The following SRFBP1 variants were observed in gnomAD, a reference collection of about 807,000 sequenced individuals.
The protein encoded by SRFBP1 is serum response factor-binding protein 1.
In SRFBP1, 47 loss-of-function variants were observed where a neutral mutation model predicts 45.5. The ratio of observed to expected loss-of-function variants is 1.03; its 90% CI spans 0.82 to 1.32. The LOEUF (loss-of-function observed/expected upper bound fraction) is 1.32. Among genes scored for constraint, SRFBP1 ranks in the 40% most tolerant of loss-of-function variants. The probability of loss-of-function intolerance (pLI) is 0.00; values close to 1 mark genes in which losing one functional copy is unlikely to be tolerated. For synonymous variants in SRFBP1, 203 were observed against 166.3 expected (o/e 1.22, Z -1.70); for missense variants, 621 against 484.6 (o/e 1.28, Z -2.64).
intron 1 of SRFBP1, among the ~76,000 whole-genome samples, chr5:121,963,854 A>G (rs966610680): frequency 1.3e-5 from 2 of 152,158 alleles, no homozygotes; most frequent in Non-Finnish European, 2.9e-5. Flanking sequence ...ATTTAAAATT[A>G]GTGGGAAAAA....
chr5:122,019,713 T>C (rs887388221), intron 5 of SRFBP1, among the ~76,000 whole-genome samples: 5 of 151,508 alleles, frequency 3.3e-5, no homozygotes, highest in Admixed American at 3.3e-4. Context: ...TGAAATTTTT[T>C]TGTCACATGA....
rs1355018710 is a variant in SRFBP1 at position 122,028,102 on chromosome 5, A to G, written c.*976A>G. On this transcript the variant is annotated 3_prime_UTR_variant, in exon 8 of 8. Coordinates refer to ENST00000339397, the MANE Select transcript of SRFBP1 (RefSeq NM_152546.3). Reference sequence around the variant, plus strand: ...AAGGGACTGCTTTATACATCACAGTACTGCTATTTAAAAGGAAAACAGAAA... The same window carrying G: ...AAGGGACTGCTTTATACATCACAGTGCTGCTATTTAAAAGGAAAACAGAAA... The G allele has an allele frequency of 6.6e-6, 1 of 152,226 alleles. No homozygotes were observed. The allele number at this position is 152,226 out of a possible 1,614,324, so 9.4% of individuals were successfully genotyped here. A position where few individuals can be genotyped will look rare whatever the true frequency, so the allele number is the denominator to read the frequency against.
Position 122,067,591 on chromosome 5 carries a change from G to A in SRFBP1, n.312-7724G>A, listed in dbSNP as rs538343429. Among the ~76,000 whole-genome samples, 3 of 152,220 alleles carry A rather than the reference G, an allele frequency of 2.0e-5. No individual in the cohort carries two copies. The South Asian group carries it at 6.2e-4, about 32-fold the overall frequency. The stretch of plus-strand genomic sequence containing the variant: ...TGGCCTTAGGCAAGTTACACTTCCT[G>A]CTCAAAAAGCTTCAGCCTCCCACTG... On this transcript the variant is annotated intron_variant and non_coding_transcript_variant, in intron 2 of 2. Transcript: ENST00000504881.
At chr5:122,009,471 T>A (rs865913208) in intron 4 of SRFBP1, among the ~76,000 whole-genome samples, 5 of 152,240 alleles carry the variant, frequency 3.3e-5, no homozygotes, top group East Asian at 1.9e-4. Context: ...TCTTACTATG[T>A]GTTATATCTG....
In SRFBP1 at chr5:122,020,636, C is replaced by A; in HGVS notation, c.901C>A (p.His301Asn). 1 of 1,613,966 alleles carries A rather than the reference C, an allele frequency of 6.2e-7. No individual in the cohort carries two copies. The highest frequency in any genetic ancestry group is 1.1e-5 in the South Asian group (1 of 91,038). Residue 301 changes from histidine (H) to asparagine (N), a missense_variant, in exon 6 of 8, where the codon CAT (histidine) becomes AAT (asparagine). By Grantham distance (68) the His-to-Asn change is moderately conservative. Transcript: ENST00000339397. Reference protein sequence around the residue: ...RRTRKKESSCHSSVKEQKPLE... With the variant: ...RRTRKKESSCNSSVKEQKPLE... ...GACACGAAAGAAGGAAAGTAGTTGT[C>A]ATTCTTCAGTTAAGGAACAAAAACC...
At position 122,022,374 on chromosome 5, in the gene SRFBP1, T is replaced by G; in HGVS notation, c.1072T>G (p.Phe358Val). 1 of 1,610,700 alleles carries G rather than the reference T, an allele frequency of 6.2e-7. No individual in the cohort carries two copies. The highest frequency in any genetic ancestry group is 1.3e-5 in the African/African-American group (1 of 74,860). Residue 358 changes from phenylalanine (F) to valine (V), a missense_variant, in exon 7 of 8, where the codon TTC (phenylalanine) becomes GTC (valine). Coordinates refer to ENST00000339397, the MANE Select transcript of SRFBP1 (RefSeq NM_152546.3). Reference sequence around the variant, plus strand: ...ATGGTGTTTTTCTTCTTTTAGAAATTTCAAAGAACAGGCTCCAAAAACAAG... The same window carrying G: ...ATGGTGTTTTTCTTCTTTTAGAAATGTCAAAGAACAGGCTCCAAAAACAAG... ...LSGSKSSRRN[F>V]KEQAPKTRSL...
chr5:121,963,000 G>C (rs920745279), intron 1 of SRFBP1, among the ~76,000 whole-genome samples: 2 of 152,172 alleles, frequency 1.3e-5, no homozygotes, highest in Non-Finnish European at 2.9e-5. Context: ...CCAAAACCTA[G>C]TAATGCAGAA....
chr5:121,998,408 C>G (rs1448483828), intron 4 of SRFBP1, among the ~76,000 whole-genome samples: 1 of 144,198 alleles, frequency 6.9e-6, no homozygotes, highest in South Asian at 2.3e-4. Flanking sequence ...AGTAAACTAT[C>G]GCAAGAACAA....
chr5:122,027,272 C>T lies in SRFBP1; in HGVS notation c.*146C>T, dbSNP rs559258724. The T allele has an allele frequency of 1.2e-4, 72 of 610,778 alleles. No homozygotes were observed. Among genetic ancestry groups the T allele is most frequent in the Non-Finnish European group, 1.9e-4 (71 of 364,990 alleles). 37.8% of individuals were successfully genotyped at this position (610,778 alleles called of 1,614,324 possible). On this transcript the variant is annotated 3_prime_UTR_variant, in exon 8 of 8. Coordinates refer to ENST00000339397, the MANE Select transcript of SRFBP1 (RefSeq NM_152546.3). The stretch of plus-strand genomic sequence containing the variant: ...AACTCCTGGGCTCAAGTGATCCTCC[C>T]ACCTCTGCCTCCCAAAGGGCTGGGA...
At chr5:122,016,887 C>T (rs1416997984) in intron 4 of SRFBP1, among the ~76,000 whole-genome samples, 1 of 152,122 alleles carries the variant, frequency 6.6e-6, no homozygotes, top group African/African-American at 2.4e-5. Context: ...AGATGCGTAT[C>T]AGTTTCCTAA....
At chr5:122,029,055 T>G (rs987863724), downstream of SRFBP1, among the ~76,000 whole-genome samples, 1 of 152,084 alleles carries the variant, frequency 6.6e-6, no homozygotes, top group Non-Finnish European at 1.5e-5. Context: ...GGGCATTGGT[T>G]CTCGACTTGG....
intron 3 of SRFBP1, among the ~76,000 whole-genome samples, chr5:121,991,199 T>A (rs1034112675): frequency 6.6e-6 from 1 of 152,124 alleles, no homozygotes; most frequent in Non-Finnish European, 1.5e-5. Context: ...TTCTACTGAG[T>A]TTTTCTATGA....
intron 1 of SRFBP1, among the ~76,000 whole-genome samples, chr5:121,973,594 G>T (rs1580499451): frequency 6.9e-6 from 1 of 144,610 alleles, no homozygotes; most frequent in African/African-American, 2.5e-5. Context: ...TTATGTATTT[G>T]TATGTGTGTG....
chr5:122,005,263 T>C (rs1752952030), intron 4 of SRFBP1, among the ~76,000 whole-genome samples: 1 of 152,156 alleles, frequency 6.6e-6, no homozygotes, highest in South Asian at 2.1e-4. Flanking sequence ...TCTATTATTA[T>C]TGTATTACAA....
intron 4 of SRFBP1, among the ~76,000 whole-genome samples, chr5:122,015,734 G>A (rs1397428432): frequency 2.6e-5 from 4 of 152,158 alleles, no homozygotes; most frequent in Non-Finnish European, 5.9e-5. Flanking sequence ...TATAAAAGTG[G>A]CAGTACTCTA....
chr5:122,060,812 C>T (rs74552358), intron 2 of SRFBP1, among the ~76,000 whole-genome samples: 6,496 of 152,178 alleles, frequency 0.043, 160 homozygotes, highest in African/African-American at 0.054. Flanking sequence ...TCCATCTGCT[C>T]CTGCAGCAAA....
intron 2 of SRFBP1, among the ~76,000 whole-genome samples, chr5:122,043,963 G>T (rs550899283): frequency 6.6e-6 from 1 of 152,004 alleles, no homozygotes; most frequent in Non-Finnish European, 1.5e-5. Context: ...CTGGTAATGC[G>T]CATGATACCT....
In SRFBP1 at chr5:122,020,265, C is replaced by T. The variant is rs374016254; in HGVS notation, c.530C>T (p.Ala177Val). Reference sequence around the variant, plus strand: ...AAAGTCAAAGAAACCAAAATATTGGCGAAGAAACCAATACATAATTCAAAG... The same window carrying T: ...AAAGTCAAAGAAACCAAAATATTGGTGAAGAAACCAATACATAATTCAAAG... ...EQKVKETKILAKKPIHNSKEK... is the reference protein window; with the variant it reads ...EQKVKETKILVKKPIHNSKEK... The change falls in exon 6 of 8, where the codon GCG (alanine) becomes GTG (valine). Residue 177 changes from alanine (A) to valine (V), a missense_variant. Ala to Val is a moderately conservative substitution (Grantham distance 64). Coordinates refer to ENST00000339397, the MANE Select transcript of SRFBP1 (RefSeq NM_152546.3). 16 of 1,612,328 alleles carry T rather than the reference C, an allele frequency of 9.9e-6. No homozygotes were observed. The highest frequency in any genetic ancestry group is 3.3e-5 in the South Asian group (3 of 90,598).
At chr5:122,038,312 C>T (rs548031771) in intron 2 of SRFBP1, among the ~76,000 whole-genome samples, 199 of 152,146 alleles carry the variant, frequency 1.3e-3, no homozygotes, top group African/African-American at 4.1e-3. Context: ...GGCACAGAGT[C>T]GGGAGGAAAA....
Sources: allele counts gnomAD v4.1 joint callset (sites outside exome capture counted in the v4.1 genomes callset), GRCh38; gene constraint gnomAD v4.1.1; transcripts MANE v1.5; gene names NCBI Gene and HGNC (gene_info 2026-07-23, HGNC 2026-07-21).